The following LSM12 variants were observed in gnomAD, a reference collection of about 807,000 sequenced individuals.
LSM12 encodes the protein LSM12 homolog.
For synonymous variants in LSM12, 74 were observed against 87.3 expected (o/e 0.85, Z 0.85); for missense variants, 108 against 238.9 (o/e 0.45, Z 3.61).
chr17:44,041,279 AAAAAAAAACAAAC>A lies in LSM12; in HGVS notation c.259-1036_259-1024del, dbSNP rs1308788817. Among the ~76,000 whole-genome samples, 12 of 127,866 alleles carry A rather than the reference AAAAAAAAACAAAC, an allele frequency of 9.4e-5. No individual in the cohort carries two copies. In the South Asian group the frequency reaches 1.0e-3, roughly 11 times the overall value. The allele number at this position is 127,866 out of a possible 152,430, so 83.9% of individuals were successfully genotyped here. A position where few individuals can be genotyped will look rare whatever the true frequency, so the allele number is the denominator to read the frequency against. ...AAGTGAGACTCTGTCTCTTTAAAAA[AAAAAAAAACAAAC>A]ACACACACACACACACACACACACA... On this transcript the variant is annotated intron_variant, in intron 2 of 4. Coordinates refer to ENST00000293406, the MANE Select transcript of LSM12 (RefSeq NM_001371445.1).
At chr17:44,065,790 G>T (rs1482806127) in intron 1 of LSM12, among the ~76,000 whole-genome samples, 2 of 151,922 alleles carry the variant, frequency 1.3e-5, no homozygotes, top group African/African-American at 4.8e-5. Context: ...GCCCTCTCTG[G>T]AACAGGTTTC....
At chr17:44,066,362 C>A in intron 1 of LSM12, 102 bp downstream of exon 1, 1 of 1,443,592 alleles carries the variant, frequency 6.9e-7, no homozygotes, top group Non-Finnish European at 9.2e-7. Context: ...GCCGGTCGCC[C>A]CTAGGCCCGG....
intron 1 of LSM12, 136 bp downstream of exon 1, chr17:44,066,328 G>A (rs1039186968): frequency 6.1e-6 from 7 of 1,148,368 alleles, no homozygotes; most frequent in Non-Finnish European, 8.2e-6. Flanking sequence ...AGGGCCGTGC[G>A]CATGCGCCCC....
chr17:44,055,676 AATATATATATATAAAAT>A (rs2049702676), intron 2 of LSM12, among the ~76,000 whole-genome samples: 1 of 146,044 alleles, frequency 6.8e-6, no homozygotes, highest in South Asian at 2.1e-4. Context: ...CCCTGTCTCA[AATATATATATATAAAAT>A]ATATATATAT....
At chr17:44,037,689 A>G in intron 3 of LSM12, 151 bp from the exon 4 acceptor site, 1 of 875,780 alleles carries the variant, frequency 1.1e-6, no homozygotes, top group Non-Finnish European at 1.6e-6. Flanking sequence ...ATAGTAGCCA[A>G]GAAACATTCC....
At position 44,036,204 on chromosome 17, in the gene LSM12, G is replaced by A. The variant is rs781209619; in HGVS notation, c.*4C>T. The stretch of plus-strand genomic sequence containing the variant: ...TGCTGGAAGAGTCCTCCATGTGTAC[G>A]GACTCAGGATGACAGGGCAGCCTCC... On this transcript the variant is annotated 3_prime_UTR_variant, in exon 5 of 5. Coordinates refer to ENST00000293406, the MANE Select transcript of LSM12 (RefSeq NM_001371445.1). 32 of 1,611,304 alleles carry A rather than the reference G, an allele frequency of 2.0e-5. No homozygotes were observed. Among genetic ancestry groups the A allele is most frequent in the South Asian group, 4.4e-5 (4 of 90,848 alleles).
intron 2 of LSM12, among the ~76,000 whole-genome samples, chr17:44,042,493 G>A (rs2049507557): frequency 1.3e-5 from 2 of 151,454 alleles, no homozygotes; most frequent in African/African-American, 4.8e-5. Context: ...TCCGCCTCCT[G>A]GGTTCAAGCG....
chr17:44,035,983 G>A lies in LSM12; in HGVS notation c.*225C>T. 1 of 366,996 alleles carries A rather than the reference G, an allele frequency of 2.7e-6. No homozygotes were observed. Among genetic ancestry groups the A allele is most frequent in the South Asian group, 3.4e-5 (1 of 29,498 alleles). The allele number at this position is 366,996 out of a possible 1,614,324, so 22.7% of individuals were successfully genotyped here. A position where few individuals can be genotyped will look rare whatever the true frequency, so the allele number is the denominator to read the frequency against. On this transcript the variant is annotated 3_prime_UTR_variant, in exon 5 of 5. Coordinates refer to ENST00000293406, the MANE Select transcript of LSM12 (RefSeq NM_001371445.1). The stretch of plus-strand genomic sequence containing the variant: ...AAGAGGGCTGTGAAAAGGACATGGT[G>A]GACCGAAGTCTGTTAGTCAAGTAAT...
At chr17:44,038,781 A>G (rs1313959756) in intron 3 of LSM12, among the ~76,000 whole-genome samples, 3 of 152,244 alleles carry the variant, frequency 2.0e-5, no homozygotes, top group Non-Finnish European at 4.4e-5. Context: ...CACTTGCCAG[A>G]CTGGGAAAAC....
At position 44,043,806 on chromosome 17, in the gene LSM12, T is replaced by TAA. The variant is rs768294471; in HGVS notation, c.259-3552_259-3551dup. ...CAACATAGTGGGACCCTGCCTCTATTAAAAAAAAAAAAAAAAATCTGAAGT... is the reference window on the plus strand; with the variant it reads ...CAACATAGTGGGACCCTGCCTCTATTAAAAAAAAAAAAAAAAAAATCTGAAGT... On this transcript the variant is annotated intron_variant, in intron 2 of 4. Coordinates refer to ENST00000293406, the MANE Select transcript of LSM12 (RefSeq NM_001371445.1). Among the ~76,000 whole-genome samples, 33 of 135,656 alleles carry TAA rather than the reference T, an allele frequency of 2.4e-4. 1 individual carries two copies. The highest frequency in any genetic ancestry group is 7.3e-4 in the African/African-American group (27 of 37,050). The allele number at this position is 135,656 out of a possible 152,430, so 89.0% of individuals were successfully genotyped here.
upstream of LSM12, among the ~76,000 whole-genome samples, chr17:44,067,107 C>G (rs1399586822): frequency 6.6e-6 from 1 of 152,178 alleles, no homozygotes; most frequent in Non-Finnish European, 1.5e-5. Flanking sequence ...CGAGACCAGC[C>G]TGGCCAACAT....
At chr17:44,066,932 A>C (rs999606064), upstream of LSM12, among the ~76,000 whole-genome samples, 9 of 152,228 alleles carry the variant, frequency 5.9e-5, no homozygotes, top group African/African-American at 1.7e-4. Flanking sequence ...TAATGAATGA[A>C]TTTTATAAAA....
intron 2 of LSM12, among the ~76,000 whole-genome samples, chr17:44,048,201 G>C (rs1021472968): frequency 4.8e-4 from 73 of 151,716 alleles, no homozygotes; most frequent in Non-Finnish European, 9.0e-4. Flanking sequence ...TTTTTTCCAG[G>C]CCAAGAGCAG....
At chr17:44,059,919 C>G (rs1285215701) in intron 2 of LSM12, among the ~76,000 whole-genome samples, 2 of 152,140 alleles carry the variant, frequency 1.3e-5, no homozygotes, top group African/African-American at 4.8e-5. Context: ...AATCCCAGCA[C>G]TTTGGGAGGC....
At chr17:44,059,987 AC>A (rs1476048713) in intron 2 of LSM12, among the ~76,000 whole-genome samples, 2 of 151,938 alleles carry the variant, frequency 1.3e-5, no homozygotes, top group East Asian at 3.9e-4. Flanking sequence ...ACATGGTGAA[AC>A]CCCGTCTCTA....
chr17:44,061,684 C>T (rs77202319), intron 2 of LSM12, among the ~76,000 whole-genome samples: 5 of 152,146 alleles, frequency 3.3e-5, no homozygotes, highest in East Asian at 1.9e-4. Context: ...CAGAACACAC[C>T]ACATTCCCAA....
chr17:44,037,238 CCATTCCCA>C, intron 4 of LSM12, 166 bp downstream of exon 4: 1 of 636,866 alleles, frequency 1.6e-6, no homozygotes, highest in South Asian at 3.4e-5. Flanking sequence ...CCCAGTGGTT[CCATTCCCA>C]CAGGACTGCA....
At chr17:44,050,390 A>T (rs1293117030) in intron 2 of LSM12, among the ~76,000 whole-genome samples, 1 of 151,902 alleles carries the variant, frequency 6.6e-6, no homozygotes, top group Non-Finnish European at 1.5e-5. Context: ...GGTTACAGGC[A>T]TGCGCCACCG....
intron 2 of LSM12, among the ~76,000 whole-genome samples, chr17:44,059,127 C>G (rs117564067): frequency 6.6e-6 from 1 of 152,048 alleles, no homozygotes; most frequent in Non-Finnish European, 1.5e-5. Context: ...TATGATCATG[C>G]CACTGCACTC....
Sources: gnomAD v4.1 joint callset for allele counts (sites outside exome capture counted in the v4.1 genomes callset) on GRCh38, gnomAD v4.1.1 for gene constraint, MANE v1.5 for transcripts, NCBI Gene and HGNC (gene_info 2026-07-23, HGNC 2026-07-21) for gene names.